TEX9: variants seen among roughly 807,000 people sequenced by gnomAD.
TEX9 encodes testis expressed 9.
A neutral mutation model predicts 59.6 loss-of-function variants in TEX9; 74 were observed. That is an observed-to-expected ratio of 1.24 (90% CI 1.03 to 1.51). TEX9 has a LOEUF of 1.51. TEX9 is among the 40% of genes most tolerant of loss of function. TEX9 has a pLI of 0.00. For synonymous variants in TEX9, 186 were observed against 152.2 expected (o/e 1.22, Z -1.64); for missense variants, 522 against 447.8 (o/e 1.17, Z -1.49).
chr15:56,385,916 T>C (rs2047940101), intron 4 of TEX9, among the ~76,000 whole-genome samples: 1 of 152,062 alleles, frequency 6.6e-6, no homozygotes, highest in South Asian at 2.1e-4. Context: ...AAAATAATTA[T>C]TGCATGCGAT....
intron 1 of TEX9, among the ~76,000 whole-genome samples, chr15:56,331,854 A>C (rs2046152829): frequency 1.3e-5 from 2 of 149,198 alleles, no homozygotes; most frequent in Admixed American, 6.7e-5. Context: ...ATGCAGCCAA[A>C]AAACACATGA....
At chr15:56,428,276 A>G (rs766547845) in intron 11 of TEX9, 91 bp from the exon 12 acceptor site, 2 of 862,010 alleles carry the variant, frequency 2.3e-6, no homozygotes, top group Middle Eastern at 2.7e-4. Context: ...TATTCTGACA[A>G]TATATTATCC....
At chr15:56,436,729 AAGAG>A (rs2050732414) in intron 12 of TEX9, among the ~76,000 whole-genome samples, 1 of 152,158 alleles carries the variant, frequency 6.6e-6, no homozygotes, top group Non-Finnish European at 1.5e-5. Flanking sequence ...TAACAAAGAA[AAGAG>A]AGAAGAATCA....
intron 1 of TEX9, among the ~76,000 whole-genome samples, chr15:56,316,231 T>C (rs1416937325): frequency 6.6e-6 from 1 of 150,798 alleles, no homozygotes; most frequent in Non-Finnish European, 1.5e-5. Flanking sequence ...GGTGCTCTGA[T>C]TTTTAGAGTT....
chr15:56,321,677 C>T (rs796433691), intron 1 of TEX9, among the ~76,000 whole-genome samples: 2 of 152,120 alleles, frequency 1.3e-5, no homozygotes, highest in African/African-American at 4.8e-5. Flanking sequence ...AGGTTTTGCC[C>T]TGAGAATCTA....
In TEX9 at chr15:56,394,643, ATAACTT is replaced by A; in HGVS notation, c.655-15_655-10del. ...TCTTACATATTTTTTCACATAATCTATAACTTTATAACTATAGGAGGATGAAATTCA... is the reference window on the plus strand; with the variant it reads ...TCTTACATATTTTTTCACATAATCTATATAACTATAGGAGGATGAAATTCA... On this transcript the variant is annotated splice_polypyrimidine_tract_variant and intron_variant, in intron 8 of 12. Transcript: ENST00000352903. 2.7e-6 allele frequency: 4 copies of A among 1,494,226 alleles called. No individual in the cohort carries two copies. In the South Asian group the frequency reaches 3.7e-5, roughly 14 times the overall value. 92.6% of individuals were successfully genotyped at this position (1,494,226 alleles called of 1,614,324 possible). A position where few individuals can be genotyped will look rare whatever the true frequency, so the allele number is the denominator to read the frequency against.
intron 1 of TEX9, among the ~76,000 whole-genome samples, chr15:56,258,890 G>T (rs2044202824): frequency 6.7e-6 from 1 of 149,334 alleles, no homozygotes; most frequent in African/African-American, 2.5e-5. Context: ...GGATATATAT[G>T]AATATATATG....
intron 9 of TEX9, among the ~76,000 whole-genome samples, chr15:56,405,160 C>T (rs547909217): frequency 6.6e-5 from 10 of 151,876 alleles, no homozygotes; most frequent in East Asian, 1.9e-4. Flanking sequence ...ACAAAAAAGC[C>T]GGGCGTGGTG....
chr15:56,365,323 C>A, upstream of TEX9: 3 of 1,295,756 alleles, frequency 2.3e-6, no homozygotes, highest in African/African-American at 4.5e-5. Context: ...GCCAGAGGCT[C>A]GCGCCGCTCG....
chr15:56,304,738 G>C (rs1596076140), intron 1 of TEX9, among the ~76,000 whole-genome samples: 2 of 152,138 alleles, frequency 1.3e-5, no homozygotes, highest in South Asian at 2.1e-4. Context: ...ATGTGTCTTT[G>C]TCTGGTTTTG....
At chr15:56,397,266 G>C (rs1178688854) in intron 9 of TEX9, 1 of 155,918 alleles carries the variant, frequency 6.4e-6, no homozygotes, top group Non-Finnish European at 1.4e-5. Context: ...GAGATCTGTG[G>C]AACTTTGAAC....
At chr15:56,343,408 A>G (rs1380962095) in intron 1 of TEX9, among the ~76,000 whole-genome samples, 3 of 152,108 alleles carry the variant, frequency 2.0e-5, no homozygotes, top group Non-Finnish European at 4.4e-5. Context: ...GAAATCAATA[A>G]AACAGAAAAT....
intron 1 of TEX9, among the ~76,000 whole-genome samples, chr15:56,339,641 G>A (rs1277799479): frequency 1.3e-5 from 2 of 152,020 alleles, no homozygotes; most frequent in Non-Finnish European, 2.9e-5. Context: ...TTAAGTTCGA[G>A]ACATTATGCA....
the TEX9 span, among the ~76,000 whole-genome samples, chr15:56,456,157 A>G: frequency 2.0e-5 from 3 of 152,136 alleles, no homozygotes; most frequent in Non-Finnish European, 4.4e-5. Flanking sequence ...ATTTATGTGT[A>G]AAGGAAAGAG....
intron 12 of TEX9, among the ~76,000 whole-genome samples, chr15:56,441,045 C>G (rs1363138396): frequency 1.3e-5 from 2 of 152,094 alleles, no homozygotes; most frequent in Non-Finnish European, 2.9e-5. Flanking sequence ...CCTCTAAGCA[C>G]TGCATTAACT....
chr15:56,271,321 G>GC (rs1487952808), intron 1 of TEX9, among the ~76,000 whole-genome samples: 2 of 152,154 alleles, frequency 1.3e-5, no homozygotes, highest in Non-Finnish European at 2.9e-5. Flanking sequence ...TTTCTTGGAG[G>GC]CTTTGTTCGT....
chr15:56,267,500 T>C (rs1036822775), intron 1 of TEX9, among the ~76,000 whole-genome samples: 2 of 152,230 alleles, frequency 1.3e-5, no homozygotes, highest in Non-Finnish European at 2.9e-5. Context: ...GAATTAATTT[T>C]CGTATAACGT....
intron 2 of TEX9, among the ~76,000 whole-genome samples, chr15:56,369,426 C>T (rs1290868881): frequency 2.0e-5 from 3 of 151,614 alleles, no homozygotes; most frequent in Non-Finnish European, 4.4e-5. Flanking sequence ...TGATCTCAGC[C>T]CACTGCAACC....
chr15:56,252,379 CTTTTTT>C (rs3050136), intron 1 of TEX9, among the ~76,000 whole-genome samples: 2 of 119,700 alleles, frequency 1.7e-5, no homozygotes, highest in African/African-American at 3.2e-5. Context: ...TTAGAAAAAC[CTTTTTT>C]TTTTTTTTTT....
Sources: gnomAD v4.1 joint callset for allele counts (sites outside exome capture counted in the v4.1 genomes callset) on GRCh38, gnomAD v4.1.1 for gene constraint, MANE v1.5 for transcripts, NCBI Gene and HGNC (gene_info 2026-07-23, HGNC 2026-07-21) for gene names.